Variants in FBXW7 observed in about 807,000 individuals in gnomAD.
FBXW7 encodes F-box and WD repeat domain containing 7.
FBXW7 carries 11 observed loss-of-function variants against 86.3 expected under a neutral mutation model. That is an observed-to-expected ratio of 0.13 (90% confidence interval 0.08 to 0.21). FBXW7 has a LOEUF of 0.21. FBXW7 is among the 10% of genes least tolerant of loss of function. The pLI is 1.00. For missense variants in FBXW7, 488 were observed against 847.4 expected (o/e 0.58, Z 5.27); for synonymous variants, 313 against 297.9 (o/e 1.05, Z -0.52).
chr4:152,501,166 A>G (rs949879626), intron 2 of FBXW7, among the ~76,000 whole-genome samples: 1 of 152,214 alleles, frequency 6.6e-6, no homozygotes, highest in Non-Finnish European at 1.5e-5. Context: ...TCAATAGGCC[A>G]TTATTATGGT....
At chr4:152,383,630 G>A (rs62319058) in intron 4 of FBXW7, among the ~76,000 whole-genome samples, 1,983 of 152,108 alleles carry the variant, frequency 0.013, 35 homozygotes, top group Non-Finnish European at 0.016. Flanking sequence ...TAACTTCCAA[G>A]CTTTTATGGA....
At chr4:152,341,857 C>T (rs1730778589) in intron 6 of FBXW7, among the ~76,000 whole-genome samples, 1 of 152,150 alleles carries the variant, frequency 6.6e-6, no homozygotes, top group Admixed American at 6.5e-5. Context: ...TAACAACCTA[C>T]AACAACAATT....
At chr4:152,394,132 T>C (rs1560843440) in intron 4 of FBXW7, among the ~76,000 whole-genome samples, 2 of 152,102 alleles carry the variant, frequency 1.3e-5, no homozygotes, top group Non-Finnish European at 1.5e-5. Context: ...TACCCAAAAC[T>C]ATTGTTCCAT....
chr4:152,330,379 C>A (rs769841787), intron 9 of FBXW7, among the ~76,000 whole-genome samples: 1 of 151,842 alleles, frequency 6.6e-6, no homozygotes, highest in African/African-American at 2.4e-5. Flanking sequence ...ATCCAAAACA[C>A]AGACACTCCT....
At chr4:152,377,879 C>T (rs1228503207) in intron 4 of FBXW7, among the ~76,000 whole-genome samples, 1 of 151,908 alleles carries the variant, frequency 6.6e-6, no homozygotes, top group African/African-American at 2.4e-5. Flanking sequence ...GCTCCAGAAC[C>T]CCATTCTAAA....
intron 6 of FBXW7, among the ~76,000 whole-genome samples, chr4:152,341,803 G>A (rs762137183): frequency 3.3e-5 from 5 of 152,142 alleles, no homozygotes; most frequent in African/African-American, 9.7e-5. Flanking sequence ...GACTATCTAC[G>A]TGTGTATGTG....
chr4:152,508,282 A>G (rs1022688851), intron 2 of FBXW7, among the ~76,000 whole-genome samples: 1 of 152,214 alleles, frequency 6.6e-6, no homozygotes, highest in African/African-American at 2.4e-5. Context: ...TCTGATATAC[A>G]TAAAACATTA....
At position 152,511,342 on chromosome 4, in the gene FBXW7, C is replaced by T. The variant is rs143823867; in HGVS notation, c.-120+23599G>A. On this transcript the variant is annotated intron_variant, in intron 2 of 13. Coordinates refer to ENST00000281708, the MANE Select transcript of FBXW7 (RefSeq NM_001349798.2). ...CCCAGTCCTCTGTGGAGTGCATGACCATGGACAATTACTTAAAAGTTCTAA... is the reference window on the plus strand; with the variant it reads ...CCCAGTCCTCTGTGGAGTGCATGACTATGGACAATTACTTAAAAGTTCTAA... Among the ~76,000 whole-genome samples the T allele has an allele frequency of 2.0e-5, 3 of 149,724 alleles. No individual in the cohort carries two copies. In the East Asian group the frequency reaches 6.0e-4, roughly 30 times the overall value.
intron 4 of FBXW7, among the ~76,000 whole-genome samples, chr4:152,408,169 A>G (rs1258580656): frequency 2.0e-5 from 3 of 152,226 alleles, no homozygotes; most frequent in Non-Finnish European, 4.4e-5. Context: ...TAGATATGGA[A>G]GCATCAGAAA....
In FBXW7 at chr4:152,434,965, C is replaced by T. The variant is rs199963945; in HGVS notation, c.-119-22436G>A. 0.016 allele frequency among the ~76,000 whole-genome samples: 2,439 copies of T among 150,548 alleles called. 127 individuals are homozygous for T. In the East Asian group the frequency reaches 0.17, roughly 11 times the overall value. Reference sequence around the variant, plus strand: ...AACCTCCTTTCCCCCCGCTCCCCCCCCCCCACACACAAGCTCTTCCTTTAC... The same window carrying T: ...AACCTCCTTTCCCCCCGCTCCCCCCTCCCCACACACAAGCTCTTCCTTTAC... On this transcript the variant is annotated intron_variant, in intron 2 of 13. Transcript: ENST00000281708.
rs368210176 is a variant in FBXW7, at chr4:152,346,999, C to A, written c.657G>T (p.Gly219=). 1.5e-5 allele frequency: 24 copies of A among 1,613,396 alleles called. No homozygotes were observed. In the African/African-American group the frequency reaches 3.1e-4, roughly 21 times the overall value. ...CAGATGTAATTCGGCGTCGTTGTTG[C>A]CCTTGGCCATTGGCTGCTCTGAGGT... ...FGDLRAANGQ[G]QQRRRITSVQ... Residue 219 remains glycine, a synonymous_variant, in exon 6 of 14, where the codon GGG becomes GGT. Coordinates refer to ENST00000281708, the MANE Select transcript of FBXW7 (RefSeq NM_001349798.2).
intron 2 of FBXW7, among the ~76,000 whole-genome samples, chr4:152,433,794 A>G (rs992118675): frequency 6.6e-6 from 1 of 152,172 alleles, no homozygotes; most frequent in Admixed American, 6.5e-5. Context: ...ATGTTTAAAA[A>G]TCTATATTCA....
intron 4 of FBXW7, among the ~76,000 whole-genome samples, chr4:152,406,432 T>C (rs892896159): frequency 2.0e-5 from 3 of 152,160 alleles, no homozygotes; most frequent in South Asian, 2.1e-4. Context: ...TAATTAATAA[T>C]AGTAACTGTC....
chr4:152,461,029 A>G (rs1359415826), intron 2 of FBXW7, among the ~76,000 whole-genome samples: 1 of 152,164 alleles, frequency 6.6e-6, no homozygotes, highest in Non-Finnish European at 1.5e-5. Flanking sequence ...GCCTGTAATC[A>G]AAGTACTTTG....
chr4:152,432,161 C>T (rs1047476512), intron 2 of FBXW7, among the ~76,000 whole-genome samples: 2 of 152,134 alleles, frequency 1.3e-5, no homozygotes, highest in African/African-American at 4.8e-5. Context: ...GAATGTTTCA[C>T]CGTGAACTAT....
intron 4 of FBXW7, among the ~76,000 whole-genome samples, chr4:152,365,299 A>G (rs767726972): frequency 2.6e-5 from 4 of 152,188 alleles, no homozygotes; most frequent in African/African-American, 4.8e-5. Context: ...AGAGTAATGA[A>G]AAGCTAATGC....
chr4:152,362,293 G>A (rs544031320), intron 4 of FBXW7, among the ~76,000 whole-genome samples: 1 of 152,136 alleles, frequency 6.6e-6, no homozygotes, highest in Admixed American at 6.6e-5. Context: ...GTCAATGTAT[G>A]TTCATAATTA....
intron 4 of FBXW7, among the ~76,000 whole-genome samples, chr4:152,393,605 A>T (rs1736174058): frequency 6.6e-6 from 1 of 152,152 alleles, no homozygotes; most frequent in African/African-American, 2.4e-5. Flanking sequence ...CTAGAAAATT[A>T]AACTTATAAT....
At chr4:152,438,741 T>C (rs1466853820) in intron 2 of FBXW7, among the ~76,000 whole-genome samples, 1 of 152,176 alleles carries the variant, frequency 6.6e-6, no homozygotes, top group African/African-American at 2.4e-5. Context: ...CAAATGGTAC[T>C]GGTAAACCTA....
Sources: allele counts gnomAD v4.1 joint callset (sites outside exome capture counted in the v4.1 genomes callset), GRCh38; gene constraint gnomAD v4.1.1; transcripts MANE v1.5; gene names NCBI Gene and HGNC (gene_info 2026-07-23, HGNC 2026-07-21).